EEA1: variants seen among roughly 807,000 people sequenced by gnomAD.
The protein encoded by EEA1 is early endosome antigen 1, 162kD.
Under a neutral mutation model 209.2 loss-of-function variants are expected in EEA1, and 111 were observed. The ratio of observed to expected loss-of-function variants is 0.53; its 90% CI spans 0.45 to 0.62. EEA1 has a LOEUF of 0.62. Ranked by LOEUF, EEA1 falls within the 20% of genes least tolerant of loss-of-function variation. The probability of loss-of-function intolerance (pLI) is 0.00; values close to 1 mark genes in which losing one functional copy is unlikely to be tolerated. For missense variants in EEA1, 1,343 were observed against 1,530.8 expected, an observed-to-expected ratio of 0.88 and a Z score of 2.05; for synonymous variants, 536 against 540.6, an observed-to-expected ratio of 0.99 and a Z score of 0.12.
chr12:92,840,042 T>C (rs1437634468), intron 10 of EEA1, among the ~76,000 whole-genome samples: 1 of 152,202 alleles, frequency 6.6e-6, no homozygotes, highest in East Asian at 1.9e-4. Context: ...GCATCTACTT[T>C]CAAGCTCATA....
At position 92,813,061 on chromosome 12, in the gene EEA1, T is replaced by A. The variant is rs1875596255; in HGVS notation, c.1962A>T (p.Ala654=). The A allele has an allele frequency of 6.3e-7, 1 of 1,596,686 alleles. No individual in the cohort carries two copies. Among genetic ancestry groups the A allele is most frequent in the Non-Finnish European group, 8.6e-7 (1 of 1,167,952 alleles). The change falls in exon 16 of 29, where the codon GCA becomes GCT. Residue 654 remains alanine, a synonymous_variant. Coordinates refer to ENST00000322349, the MANE Select transcript of EEA1 (RefSeq NM_003566.4). ...CTCTTTGAGCAGTTTTTGCTGCTTC[T>A]GCTGATAGTAATAGTTCGGTTTTGG... The part of the protein sequence containing the change: ...IKAKTELLLS[A]EAAKTAQRAD...
intron 5 of EEA1, among the ~76,000 whole-genome samples, chr12:92,854,393 A>T (rs1318819139): frequency 3.3e-5 from 5 of 152,200 alleles, no homozygotes; most frequent in Non-Finnish European, 7.3e-5. Context: ...TTTTGCTGTC[A>T]TAAGAACTTG....
chr12:92,810,750 T>C (rs1463783212), intron 17 of EEA1, among the ~76,000 whole-genome samples: 2 of 152,108 alleles, frequency 1.3e-5, no homozygotes, highest in African/African-American at 2.4e-5. Flanking sequence ...TTCTGAGATG[T>C]CTAATCATCT....
chr12:92,779,764 T>C (rs1873824625), intron 24 of EEA1, among the ~76,000 whole-genome samples: 1 of 152,092 alleles, frequency 6.6e-6, no homozygotes, highest in Admixed American at 6.6e-5. Context: ...ACATTATGAG[T>C]GCTCTCAAGA....
At chr12:92,880,400 G>A (rs973770593) in intron 2 of EEA1, among the ~76,000 whole-genome samples, 15 of 152,270 alleles carry the variant, frequency 9.9e-5, no homozygotes, top group Admixed American at 3.9e-4. Context: ...CACCTCACAG[G>A]AGCAAGCGAT....
chr12:92,913,164 T>A (rs2136778855), intron 1 of EEA1, among the ~76,000 whole-genome samples: 1 of 152,360 alleles, frequency 6.6e-6, no homozygotes, highest in South Asian at 2.1e-4. Context: ...CCATCAACAA[T>A]GTATGGGCAT....
chr12:92,792,366 T>C (rs180922163), intron 21 of EEA1, among the ~76,000 whole-genome samples: 16 of 151,782 alleles, frequency 1.1e-4, no homozygotes, highest in Non-Finnish European at 1.9e-4. Flanking sequence ...ATCAACAAAA[T>C]TGATAGACTG....
At position 92,851,185 on chromosome 12, in the gene EEA1, A is replaced by G. The variant is rs946828764; in HGVS notation, c.724T>C (p.Leu242=). Residue 242 remains leucine, a synonymous_variant, in exon 9 of 29, where the codon TTG becomes CTG. Coordinates refer to ENST00000322349, the MANE Select transcript of EEA1 (RefSeq NM_003566.4). The stretch of plus-strand genomic sequence containing the variant: ...TTTTCAGATTCTCGCTCACGTTCCA[A>G]GGTCATGTTATCCATTAGTGTTTGA... ...QVQTLMDNMT[L]ERERESEKLK... is the part of the protein sequence containing the mutation. 14 of 1,613,860 alleles carry G rather than the reference A, an allele frequency of 8.7e-6. No individual in the cohort carries two copies. In the East Asian group the frequency reaches 2.7e-4, roughly 31 times the overall value.
At chr12:92,856,901 A>G (rs1592739832) in intron 5 of EEA1, among the ~76,000 whole-genome samples, 2 of 150,392 alleles carry the variant, frequency 1.3e-5, no homozygotes, top group Non-Finnish European at 2.9e-5. Context: ...CCTCTCAAGT[A>G]GCTGGGACCA....
intron 1 of EEA1, among the ~76,000 whole-genome samples, chr12:92,898,721 CTT>C (rs1318223951): frequency 7.5e-6 from 1 of 133,584 alleles, no homozygotes; most frequent in Non-Finnish European, 1.6e-5. Flanking sequence ...TTTTTTTTTC[CTT>C]TTTTTCCCTT....
chr12:92,903,434 C>A (rs1171908764), intron 1 of EEA1, among the ~76,000 whole-genome samples: 1 of 151,432 alleles, frequency 6.6e-6, no homozygotes, highest in Admixed American at 6.6e-5. Context: ...CCCATCTCCA[C>A]TAAAAATATA....
At chr12:92,891,896 T>C (rs563218487) in intron 1 of EEA1, among the ~76,000 whole-genome samples, 175 bp from the exon 2 acceptor site, 2 of 152,326 alleles carry the variant, frequency 1.3e-5, no homozygotes, top group South Asian at 4.1e-4. Context: ...TCAAAATCTC[T>C]ATATATGCAT....
At chr12:92,873,511 GAA>G (rs1446633074) in intron 2 of EEA1, among the ~76,000 whole-genome samples, 1 of 152,220 alleles carries the variant, frequency 6.6e-6, no homozygotes, top group Non-Finnish European at 1.5e-5. Flanking sequence ...TAAGTAGCAA[GAA>G]AAGAGATACG....
intron 11 of EEA1, among the ~76,000 whole-genome samples, chr12:92,831,958 G>A (rs1477412829): frequency 6.6e-6 from 1 of 150,710 alleles, no homozygotes; most frequent in African/African-American, 2.4e-5. Context: ...GCGGTGGCGG[G>A]CGCCTGTAGT....
At chr12:92,807,772 G>A (rs944506331) in intron 18 of EEA1, among the ~76,000 whole-genome samples, 26 of 152,124 alleles carry the variant, frequency 1.7e-4, no homozygotes, top group African/African-American at 6.3e-4. Context: ...AGAAATTAAA[G>A]AAGGCCCAAG....
chr12:92,775,867 A>G lies in EEA1; in HGVS notation c.*144T>C. The G allele has an allele frequency of 4.0e-6, 3 of 750,262 alleles. No individual in the cohort carries two copies. Among genetic ancestry groups the G allele is most frequent in the East Asian group, 3.1e-5 (1 of 31,904 alleles). 46.5% of individuals were successfully genotyped at this position (750,262 alleles called of 1,614,324 possible). A position where few individuals can be genotyped will look rare whatever the true frequency, so the allele number is the denominator to read the frequency against. On this transcript the variant is annotated 3_prime_UTR_variant, in exon 29 of 29. Transcript: ENST00000322349. The stretch of plus-strand genomic sequence containing the variant: ...AATAGAAGAGTTTTACTTGATATCC[A>G]TAACATTCCAAAATATACTAATTCC...
chr12:92,923,198 A>G lies in EEA1; in HGVS notation c.24+5845T>C, dbSNP rs569581694. On this transcript the variant is annotated intron_variant, in intron 1 of 28. Coordinates refer to ENST00000322349, the MANE Select transcript of EEA1 (RefSeq NM_003566.4). Reference sequence around the variant, plus strand: ...CTGTCTCTACTAAAAATACAAAAAAATTAGCCAGGCACGGTGGTGGGCGCC... The same window carrying G: ...CTGTCTCTACTAAAAATACAAAAAAGTTAGCCAGGCACGGTGGTGGGCGCC... 5.4e-4 allele frequency among the ~76,000 whole-genome samples: 82 copies of G among 151,556 alleles called. No individual in the cohort carries two copies. The Middle Eastern group carries it at 0.01, about 19-fold the overall frequency.
chr12:92,810,241 A>C (rs1875424016), intron 17 of EEA1, among the ~76,000 whole-genome samples: 1 of 152,082 alleles, frequency 6.6e-6, no homozygotes, highest in Admixed American at 6.6e-5. Context: ...TGATGTAGCT[A>C]AATTAATTAT....
rs2136643972 is a variant in EEA1 at position 92,774,853 on chromosome 12, CAACTTTT to C, written c.*1151_*1157del. On this transcript the variant is annotated 3_prime_UTR_variant, in exon 29 of 29. Transcript: ENST00000322349. Reference sequence around the variant, plus strand: ...CCATTTTAACTTTAAGTCAATTTTACAACTTTTAAAAATTCTTCCCAATAGGGTAAGA... The same window carrying C: ...CCATTTTAACTTTAAGTCAATTTTACAAAAATTCTTCCCAATAGGGTAAGA... 1 of 151,774 alleles carries C rather than the reference CAACTTTT, an allele frequency of 6.6e-6. No homozygotes were observed. Among genetic ancestry groups the C allele is most frequent in the Non-Finnish European group, 1.5e-5 (1 of 67,650 alleles). The allele number at this position is 151,774 out of a possible 1,614,324, so 9.4% of individuals were successfully genotyped here.
Sources: allele counts gnomAD v4.1 joint callset (sites outside exome capture counted in the v4.1 genomes callset), GRCh38; gene constraint gnomAD v4.1.1; transcripts MANE v1.5; gene names NCBI Gene and HGNC (gene_info 2026-07-23, HGNC 2026-07-21).